The following LIN28B variants were observed in gnomAD, a reference collection of about 807,000 sequenced individuals.
The protein encoded by LIN28B is lin-28 RNA binding posttranscriptional regulator B, also known as protein lin-28 homolog B.
A neutral mutation model predicts 21.9 loss-of-function variants in LIN28B; 5 were observed. That is an observed-to-expected ratio of 0.23 (90% CI 0.12 to 0.48). The LOEUF (loss-of-function observed/expected upper bound fraction) is 0.48, where lower values mean the gene tolerates loss of function less well. Ranked by LOEUF, LIN28B falls within the 20% of genes least tolerant of loss-of-function variation. LIN28B has a pLI of 0.98. For missense variants in LIN28B, 245 were observed against 310.5 expected, an observed-to-expected ratio of 0.79 and a Z score of 1.58; for synonymous variants, 109 against 111.3, an observed-to-expected ratio of 0.98 and a Z score of 0.13.
At chr6:105,073,775 A>G (rs1433982525) in intron 3 of LIN28B, among the ~76,000 whole-genome samples, 1 of 152,134 alleles carries the variant, frequency 6.6e-6, no homozygotes, top group African/African-American at 2.4e-5. Flanking sequence ...CAGGATCGAG[A>G]GGGAATATAT....
intron 2 of LIN28B, among the ~76,000 whole-genome samples, chr6:104,973,644 A>C (rs569588657): frequency 6.6e-6 from 1 of 152,336 alleles, no homozygotes; most frequent in African/African-American, 2.4e-5. Context: ...TCGTTCCTTG[A>C]CGAAGAGTGT....
intron 2 of LIN28B, among the ~76,000 whole-genome samples, chr6:104,948,866 A>G (rs1001447679): frequency 3.3e-5 from 5 of 152,210 alleles, no homozygotes; most frequent in Non-Finnish European, 7.4e-5. Flanking sequence ...AAGTTTGAAT[A>G]GTGAAAAATC....
intron 2 of LIN28B, among the ~76,000 whole-genome samples, chr6:104,978,501 G>C (rs990165249): frequency 6.6e-6 from 1 of 151,358 alleles, no homozygotes; most frequent in African/African-American, 2.4e-5. Flanking sequence ...AGGATTGTGA[G>C]GATTAGTGTT....
rs71003462 is a variant in LIN28B at position 104,967,576 on chromosome 6, C to CA, written c.198+9313dup. The stretch of plus-strand genomic sequence containing the variant: ...AGGCGACAAGAGTGAAACTCCCTCT[C>CA]AAAAAAAAAAAAAAAAAAAAAAAGA... On this transcript the variant is annotated intron_variant, in intron 2 of 3. Coordinates refer to ENST00000345080, the MANE Select transcript of LIN28B (RefSeq NM_001004317.4). Among the ~76,000 whole-genome samples the CA allele has an allele frequency of 5.9e-3, 355 of 60,232 alleles. 1 individual carries two copies. The highest frequency in any genetic ancestry group is 6.9e-3 in the Non-Finnish European group (236 of 34,284). 39.5% of individuals were successfully genotyped at this position (60,232 alleles called of 152,430 possible).
intron 3 of LIN28B, among the ~76,000 whole-genome samples, chr6:105,069,773 T>C (rs771111584): frequency 8.5e-5 from 13 of 152,108 alleles, no homozygotes; most frequent in Non-Finnish European, 1.6e-4. Context: ...AAATTATAAA[T>C]TGAACAGAGA....
chr6:105,034,654 T>C (rs1272011569), intron 3 of LIN28B, among the ~76,000 whole-genome samples: 1 of 152,020 alleles, frequency 6.6e-6, no homozygotes, highest in African/African-American at 2.4e-5. Context: ...TCATTTATGA[T>C]CAGAAAGACC....
At chr6:104,993,857 G>C (rs945681319) in intron 2 of LIN28B, among the ~76,000 whole-genome samples, 1 of 145,230 alleles carries the variant, frequency 6.9e-6, no homozygotes, top group African/African-American at 2.6e-5. Flanking sequence ...AAAAAGTTAA[G>C]ACCCTTAATT....
At chr6:104,992,484 TTGTG>T (rs752464999) in intron 2 of LIN28B, among the ~76,000 whole-genome samples, 37 of 136,024 alleles carry the variant, frequency 2.7e-4, no homozygotes, top group Middle Eastern at 3.7e-3. Context: ...TAAGTTTCTG[TTGTG>T]TGTGTGTGTG....
intron 3 of LIN28B, among the ~76,000 whole-genome samples, chr6:105,037,791 G>A (rs1254528982): frequency 1.3e-5 from 2 of 151,902 alleles, no homozygotes; most frequent in African/African-American, 4.8e-5. Flanking sequence ...GATTACAGAC[G>A]TGAGCTACTG....
intron 2 of LIN28B, among the ~76,000 whole-genome samples, chr6:104,975,841 CTT>C (rs532004311): frequency 1.1e-4 from 15 of 135,330 alleles, no homozygotes; most frequent in Non-Finnish European, 7.9e-5. Context: ...TCTTCTTCTT[CTT>C]TTTTTTTTTT....
chr6:105,050,719 T>C (rs1771884589), intron 3 of LIN28B, among the ~76,000 whole-genome samples: 1 of 151,102 alleles, frequency 6.6e-6, no homozygotes, highest in Non-Finnish European at 1.5e-5. Context: ...GGCTTCCCTT[T>C]GTTATTTTAC....
intron 2 of LIN28B, among the ~76,000 whole-genome samples, chr6:105,006,840 A>G (rs1039535004): frequency 3.9e-5 from 6 of 152,182 alleles, no homozygotes; most frequent in Admixed American, 2.6e-4. Context: ...TTTCTTCCCA[A>G]AAGTACCTAA....
In LIN28B at chr6:105,080,760, T is replaced by C. The variant is rs1178993792; in HGVS notation, c.*1977T>C. 1 of 152,636 alleles carries C rather than the reference T, an allele frequency of 6.6e-6. No individual in the cohort carries two copies. The allele number at this position is 152,636 out of a possible 1,614,324, so 9.5% of individuals were successfully genotyped here. A position where few individuals can be genotyped will look rare whatever the true frequency, so the allele number is the denominator to read the frequency against. ...CAAGTTAACAGTAAAATGCAAAACA[T>C]GATAAGCGTTGCTCAATTTTTAGCA... On this transcript the variant is annotated 3_prime_UTR_variant, in exon 4 of 4. Coordinates refer to ENST00000345080, the MANE Select transcript of LIN28B (RefSeq NM_001004317.4).
intron 2 of LIN28B, among the ~76,000 whole-genome samples, chr6:104,975,900 C>T (rs1770082718): frequency 6.8e-6 from 1 of 146,510 alleles, no homozygotes; most frequent in East Asian, 2.0e-4. Flanking sequence ...TGGTCTCAAA[C>T]TCCTAAGCTC....
intron 2 of LIN28B, among the ~76,000 whole-genome samples, chr6:104,938,001 A>G (rs1054963772): frequency 7.6e-6 from 1 of 131,216 alleles, no homozygotes; most frequent in African/African-American, 2.9e-5. Flanking sequence ...ATATCTTGCC[A>G]CCAGAAGTCT....
At chr6:105,064,508 T>A (rs1362439057) in intron 3 of LIN28B, among the ~76,000 whole-genome samples, 1 of 152,114 alleles carries the variant, frequency 6.6e-6, no homozygotes, top group African/African-American at 2.4e-5. Flanking sequence ...AGAAGCTGGG[T>A]TCCAGATGTT....
intron 2 of LIN28B, among the ~76,000 whole-genome samples, chr6:105,018,226 A>G (rs1228229192): frequency 5.3e-5 from 8 of 152,160 alleles, no homozygotes; most frequent in African/African-American, 9.7e-5. Flanking sequence ...GGTCAAGACT[A>G]CAGTGAGCTG....
intron 3 of LIN28B, among the ~76,000 whole-genome samples, chr6:105,071,352 T>A (rs1291265138): frequency 6.6e-6 from 1 of 152,242 alleles, no homozygotes; most frequent in East Asian, 1.9e-4. Flanking sequence ...CCTCAATTTT[T>A]AAAAAATTAT....
At chr6:105,055,516 A>G (rs767102913) in intron 3 of LIN28B, among the ~76,000 whole-genome samples, 1 of 152,168 alleles carries the variant, frequency 6.6e-6, no homozygotes, top group Non-Finnish European at 1.5e-5. Context: ...AGGCCCTTCA[A>G]AGCACAGCAG....
Sources: allele counts gnomAD v4.1 joint callset (sites outside exome capture counted in the v4.1 genomes callset), GRCh38; gene constraint gnomAD v4.1.1; transcripts MANE v1.5; gene names NCBI Gene and HGNC (gene_info 2026-07-23, HGNC 2026-07-21).